Variants in CDIP1 observed in about 807,000 individuals in gnomAD.
CDIP1 encodes cell death-inducing p53-target protein 1.
Under a neutral mutation model 17.7 loss-of-function variants are expected in CDIP1, and 9 were observed. The ratio of observed to expected loss-of-function variants is 0.51; its 90% confidence interval spans 0.31 to 0.89. CDIP1 has a LOEUF of 0.89. CDIP1 is among the 40% of genes least tolerant of loss of function. The probability of loss-of-function intolerance (pLI) is 0.05; values close to 1 mark genes in which losing one functional copy is unlikely to be tolerated. For missense variants in CDIP1, 263 were observed against 277.9 expected, an observed-to-expected ratio of 0.95 and a Z score of 0.38; for synonymous variants, 117 against 109.5, an observed-to-expected ratio of 1.07 and a Z score of -0.43.
intron 1 of CDIP1, among the ~76,000 whole-genome samples, chr16:4,534,906 C>T (rs148672884): frequency 0.011 from 1,646 of 151,904 alleles, 34 homozygotes; most frequent in African/African-American, 0.038. Flanking sequence ...TTAGTAGAGA[C>T]GGGGTTTCTC....
chr16:4,538,003 GC>G (rs1225064769), intron 1 of CDIP1, among the ~76,000 whole-genome samples: 1 of 152,208 alleles, frequency 6.6e-6, no homozygotes, highest in Non-Finnish European at 1.5e-5. Context: ...AAGGTCACCC[GC>G]GGGGCTCGGC....
rs763432559 is a variant in CDIP1, at chr16:4,513,837, C to G, written c.100G>C (p.Ala34Pro). The part of the protein sequence containing the change: ...APPTPGRSSP[A>P]VMQPPPGMPL... ...ATGCCTGGAGGGGGCTGCATCACAG[C>G]TGGGGAGGAACGGCCTGGACAGAGA... The change falls in exon 4 of 6, where the codon GCT becomes CCT. Residue 34 changes from alanine to proline, a missense_variant. Coordinates refer to ENST00000567695, the MANE Select transcript of CDIP1 (RefSeq NM_013399.3). The surrounding 1 kb of genome is among the most constrained non-coding windows in gnomAD (Gnocchi z 4.1). The G allele has an allele frequency of 1.9e-6, 3 of 1,585,000 alleles. No individual in the cohort carries two copies. The highest frequency in any genetic ancestry group is 2.6e-6 in the Non-Finnish European group (3 of 1,166,110).
chr16:4,525,697 C>T (rs1304334802), intron 1 of CDIP1, among the ~76,000 whole-genome samples: 1 of 152,152 alleles, frequency 6.6e-6, no homozygotes, highest in Non-Finnish European at 1.5e-5. Flanking sequence ...AAGAGGAGGC[C>T]CTCCACAAAG....
intron 1 of CDIP1, among the ~76,000 whole-genome samples, chr16:4,530,602 T>A (rs1013455520): frequency 2.0e-5 from 3 of 151,564 alleles, no homozygotes; most frequent in African/African-American, 7.3e-5. Flanking sequence ...TGAGCCGAGA[T>A]TGCGCCAGTA....
chr16:4,534,611 C>T (rs535671482), intron 1 of CDIP1, among the ~76,000 whole-genome samples: 32 of 152,200 alleles, frequency 2.1e-4, no homozygotes, highest in African/African-American at 5.5e-4. Context: ...GTGAGAACAA[C>T]GCATGTTCAT....
rs993380176 is a variant in CDIP1 at position 4,510,796 on chromosome 16, C to T, written c.*1776G>A. ...AAAAGTAGGGAAACTCTTTAAACTA[C>T]TGACCAAGACTGCCACCTTCATAAT... On this transcript the variant is annotated 3_prime_UTR_variant, in exon 6 of 6. Transcript: ENST00000567695. 1 of 152,204 alleles carries T rather than the reference C, an allele frequency of 6.6e-6. No homozygotes were observed. The highest frequency in any genetic ancestry group is 6.5e-5 in the Admixed American group (1 of 15,278). 9.4% of individuals were successfully genotyped at this position (152,204 alleles called of 1,614,324 possible). A position where few individuals can be genotyped will look rare whatever the true frequency, so the allele number is the denominator to read the frequency against.
chr16:4,526,735 TAAAATA>T (rs1341405300), intron 1 of CDIP1, among the ~76,000 whole-genome samples: 1 of 149,292 alleles, frequency 6.7e-6, no homozygotes, highest in African/African-American at 2.4e-5. Context: ...AAATAAAAAA[TAAAATA>T]AAAATAAAAT....
intron 1 of CDIP1, among the ~76,000 whole-genome samples, chr16:4,528,683 C>CAAA (rs374609894): frequency 0.091 from 4,565 of 50,228 alleles, 472 homozygotes; most frequent in Non-Finnish European, 0.11. Context: ...AACCCTGTCT[C>CAAA]AAAAAAAAAA....
Position 4,512,381 on chromosome 16 carries a change from T to G in CDIP1, c.*191A>C, listed in dbSNP as rs2058839833. 1.6e-6 allele frequency: 1 copy of G among 610,394 alleles called. No individual in the cohort carries two copies. The highest frequency in any genetic ancestry group is 2.7e-5 in the Admixed American group (1 of 37,300). 37.8% of individuals were successfully genotyped at this position (610,394 alleles called of 1,614,324 possible). A position where few individuals can be genotyped will look rare whatever the true frequency, so the allele number is the denominator to read the frequency against. ...CCCTGCCACCCACTGACCCTTGGCC[T>G]TAAATCCCAACAGAATTTTTGCCAG... On this transcript the variant is annotated 3_prime_UTR_variant, in exon 6 of 6. Coordinates refer to ENST00000567695, the MANE Select transcript of CDIP1 (RefSeq NM_013399.3). This position sits in a 1 kb window ranked among gnomAD's most constrained non-coding sequence, Gnocchi z 4.6.
At position 4,513,053 on chromosome 16, in the gene CDIP1, G is replaced by A; in HGVS notation, c.253C>T (p.Pro85Ser). The change falls in exon 5 of 6, where the codon CCT (proline) becomes TCT (serine). Residue 85 changes from proline to serine, a missense_variant. Coordinates refer to ENST00000567695, the MANE Select transcript of CDIP1 (RefSeq NM_013399.3). The surrounding 1 kb of genome is among the most constrained non-coding windows in gnomAD (Gnocchi z 4.1). ...GTYMPPGFYP[P>S]PGPHPPMGYY... Reference sequence around the variant, plus strand: ...CCCATGGGTGGGTGGGGGCCTGGAGGAGGGTAGAAACCTGGAATGGCACAG... The same window carrying A: ...CCCATGGGTGGGTGGGGGCCTGGAGAAGGGTAGAAACCTGGAATGGCACAG... The A allele has an allele frequency of 6.3e-7, 1 of 1,592,766 alleles. No individual in the cohort carries two copies. The highest frequency in any genetic ancestry group is 8.5e-7 in the Non-Finnish European group (1 of 1,172,750).
Position 4,512,029 on chromosome 16 carries a change from A to G in CDIP1, c.*543T>C, listed in dbSNP as rs2058835150. 1 of 159,092 alleles carries G rather than the reference A, an allele frequency of 6.3e-6. No individual in the cohort carries two copies. Among genetic ancestry groups the G allele is most frequent in the African/African-American group, 2.4e-5 (1 of 41,478 alleles). The allele number at this position is 159,092 out of a possible 1,614,324, so 9.9% of individuals were successfully genotyped here. The stretch of plus-strand genomic sequence containing the variant: ...AGAGTTGGCAGTTTTACTTCCAGCC[A>G]CCATGCCCCACCTCTAGCACCCCAG... On this transcript the variant is annotated 3_prime_UTR_variant, in exon 6 of 6. Transcript: ENST00000567695. This position sits in a 1 kb window ranked among gnomAD's most constrained non-coding sequence, Gnocchi z 4.6.
intron 1 of CDIP1, among the ~76,000 whole-genome samples, chr16:4,535,697 G>T (rs1422697541): frequency 3.9e-5 from 6 of 152,254 alleles, no homozygotes; most frequent in African/African-American, 1.4e-4. Context: ...GACTCACAGA[G>T]TAGGAGAAGT....
rs149548221 is a variant in CDIP1 at position 4,534,346 on chromosome 16, C to T, written c.-105+4356G>A. Among the ~76,000 whole-genome samples the T allele has an allele frequency of 5.9e-4, 90 of 152,334 alleles. No homozygotes were observed. In the East Asian group the frequency reaches 0.016, roughly 27 times the overall value. ...CACTGCGTCCTCAGGAAAGTACTTA[C>T]GTTCACAGCCAAATATCCAGACAGG... On this transcript the variant is annotated intron_variant, in intron 1 of 5. Coordinates refer to ENST00000567695, the MANE Select transcript of CDIP1 (RefSeq NM_013399.3).
chr16:4,513,038 G>T lies in CDIP1; in HGVS notation c.268C>A (p.Pro90Thr). 6.3e-7 allele frequency: 1 copy of T among 1,595,214 alleles called. No homozygotes were observed. Residue 90 changes from proline (P) to threonine (T), a missense_variant, in exon 5 of 6, where the codon CCA (proline) becomes ACA (threonine). Coordinates refer to ENST00000567695, the MANE Select transcript of CDIP1 (RefSeq NM_013399.3). The surrounding 1 kb of genome is among the most constrained non-coding windows in gnomAD (Gnocchi z 4.1). ...CCTGGGGGGTAGTAGCCCATGGGTG[G>T]GTGGGGGCCTGGAGGAGGGTAGAAA... The part of the protein sequence containing the change: ...PGFYPPPGPH[P>T]PMGYYPPGPY...
At chr16:4,530,597 C>T (rs2059045447) in intron 1 of CDIP1, among the ~76,000 whole-genome samples, 1 of 150,802 alleles carries the variant, frequency 6.6e-6, no homozygotes, top group Non-Finnish European at 1.5e-5. Flanking sequence ...TGCAGTGAGC[C>T]GAGATTGCGC....
At chr16:4,530,795 C>T (rs1359556525) in intron 1 of CDIP1, among the ~76,000 whole-genome samples, 5 of 151,906 alleles carry the variant, frequency 3.3e-5, no homozygotes, top group Admixed American at 6.6e-5. Flanking sequence ...GAACTGAGTG[C>T]GCCACTGAAC....
intron 1 of CDIP1, among the ~76,000 whole-genome samples, chr16:4,523,270 C>T (rs1199600349): frequency 1.3e-5 from 2 of 152,124 alleles, no homozygotes; most frequent in African/African-American, 4.8e-5. Flanking sequence ...AATCCCAGCA[C>T]TTTGGGAGGC....
In CDIP1 at chr16:4,513,140, C is replaced by A; in HGVS notation, c.242-76G>T. The A allele has an allele frequency of 7.2e-7, 1 of 1,390,988 alleles. No homozygotes were observed. The highest frequency in any genetic ancestry group is 1.4e-5 in the South Asian group (1 of 69,916). The allele number at this position is 1,390,988 out of a possible 1,614,324, so 86.2% of individuals were successfully genotyped here. A position where few individuals can be genotyped will look rare whatever the true frequency, so the allele number is the denominator to read the frequency against. ...ACCAGACAAAGAGATTGGCGCAAAG[C>A]CCCACGGTCCACAGCGCCCAGCGTG... On this transcript the variant is annotated intron_variant, in intron 4 of 5. Transcript: ENST00000567695. This position sits in a 1 kb window ranked among gnomAD's most constrained non-coding sequence, Gnocchi z 4.1.
chr16:4,528,371 A>G (rs1291777499), intron 1 of CDIP1, among the ~76,000 whole-genome samples: 1 of 152,108 alleles, frequency 6.6e-6, no homozygotes, highest in East Asian at 1.9e-4. Context: ...GAGCCACTGC[A>G]CTCTTCCATA....
Sources: allele counts gnomAD v4.1 joint callset (sites outside exome capture counted in the v4.1 genomes callset), GRCh38; gene constraint gnomAD v4.1.1; non-coding constraint Gnocchi (gnomAD v3.1); transcripts MANE v1.5; gene names NCBI Gene and HGNC (gene_info 2026-07-23, HGNC 2026-07-21).